Variants in RSRC1 observed in about 807,000 individuals in gnomAD.
RSRC1 encodes the protein serine/Arginine-related protein 53.
RSRC1 carries 39 observed loss-of-function variants against 49.1 expected under a neutral mutation model. The observed-to-expected ratio is 0.79, with a 90% CI of 0.61 to 1.04. RSRC1 has a LOEUF of 1.04. Ranked by LOEUF, RSRC1 falls within the 50% of genes least tolerant of loss-of-function variation. RSRC1 has a pLI of 0.00. For synonymous variants in RSRC1, 143 were observed against 130.8 expected (o/e 1.09, Z -0.63); for missense variants, 388 against 402.4 (o/e 0.96, Z 0.31).
At chr3:158,118,500 A>G (rs1715029771) in intron 1 of RSRC1, among the ~76,000 whole-genome samples, 1 of 145,722 alleles carries the variant, frequency 6.9e-6, no homozygotes, top group Non-Finnish European at 1.5e-5. Context: ...TCCTTTGTTA[A>G]AATTTTAAGC....
chr3:158,187,022 GAT>G (rs1160224361), intron 3 of RSRC1, among the ~76,000 whole-genome samples: 1 of 151,948 alleles, frequency 6.6e-6, no homozygotes, highest in Non-Finnish European at 1.5e-5. Context: ...ACGGCCATCA[GAT>G]CTCATTGGCA....
intron 2 of RSRC1, 108 bp downstream of exon 2, chr3:158,122,406 A>G (rs1715320909): frequency 4.7e-6 from 4 of 845,226 alleles, no homozygotes; most frequent in Non-Finnish European, 6.8e-6. Flanking sequence ...TTTACTAGCT[A>G]TATATTTATG....
At chr3:158,206,843 G>T (rs1721368373) in intron 4 of RSRC1, among the ~76,000 whole-genome samples, 1 of 152,130 alleles carries the variant, frequency 6.6e-6, no homozygotes, top group Admixed American at 6.6e-5. Context: ...GAACCCAGGA[G>T]GTGGAGGTTG....
At chr3:158,124,907 C>A (rs1715519777) in intron 3 of RSRC1, among the ~76,000 whole-genome samples, 1 of 150,924 alleles carries the variant, frequency 6.6e-6, no homozygotes, top group African/African-American at 2.4e-5. Flanking sequence ...GCCTCAAACT[C>A]CTGGGCTCAA....
At chr3:158,527,149 A>T (rs1166179951) in intron 7 of RSRC1, among the ~76,000 whole-genome samples, 5 of 141,620 alleles carry the variant, frequency 3.5e-5, no homozygotes, top group Admixed American at 7.5e-5. Context: ...ATATACTCCC[A>T]GCCCCATGGT....
intron 7 of RSRC1, among the ~76,000 whole-genome samples, chr3:158,536,413 C>G (rs1712716314): frequency 6.6e-6 from 1 of 151,426 alleles, no homozygotes; most frequent in African/African-American, 2.4e-5. Flanking sequence ...ACTTAAGGTA[C>G]TTACCAACCC....
intron 3 of RSRC1, among the ~76,000 whole-genome samples, chr3:158,202,562 T>TTATATATATATGTATA (rs1553768415): frequency 8.7e-5 from 8 of 92,006 alleles, no homozygotes; most frequent in African/African-American, 4.2e-4. Context: ...GTCTGGTAGA[T>TTATATATATATGTATA]TATATATATA....
intron 6 of RSRC1, among the ~76,000 whole-genome samples, chr3:158,375,954 T>C (rs970462114): frequency 6.6e-6 from 1 of 151,988 alleles, no homozygotes; most frequent in Non-Finnish European, 1.5e-5. Context: ...GTTTCTCAAT[T>C]GCGTTTGCCA....
chr3:158,268,102 AG>A (rs1338592880), intron 4 of RSRC1, among the ~76,000 whole-genome samples: 2 of 152,040 alleles, frequency 1.3e-5, no homozygotes, highest in Non-Finnish European at 2.9e-5. Flanking sequence ...TTGTCAGCTA[AG>A]AATTTAAGTA....
At chr3:158,165,166 A>G (rs1363539755) in intron 3 of RSRC1, among the ~76,000 whole-genome samples, 1 of 152,214 alleles carries the variant, frequency 6.6e-6, no homozygotes, top group African/African-American at 2.4e-5. Context: ...CATTAATTAG[A>G]ACCATAACTA....
At chr3:158,420,928 T>C (rs766241612) in intron 6 of RSRC1, among the ~76,000 whole-genome samples, 2 of 151,924 alleles carry the variant, frequency 1.3e-5, no homozygotes, top group Non-Finnish European at 2.9e-5. Context: ...GGTTATTTGT[T>C]CAACTAAGAA....
intron 7 of RSRC1, among the ~76,000 whole-genome samples, chr3:158,466,278 A>T (rs76462322): frequency 0.011 from 1,644 of 152,306 alleles, 32 homozygotes; most frequent in African/African-American, 0.038. Context: ...GCCAATTTAG[A>T]TCGCATTTTA....
In RSRC1 at chr3:158,323,752, G is replaced by C. The variant is rs542936898; in HGVS notation, c.531+25677G>C. On this transcript the variant is annotated intron_variant, in intron 5 of 9. Coordinates refer to ENST00000611884, the MANE Select transcript of RSRC1 (RefSeq NM_001271838.2). ...TTTCTTAGGTTTTTGTCTGCCTTTG[G>C]TTATTTCCTAATGCTCTGAAGTGAT... 3.3e-5 allele frequency among the ~76,000 whole-genome samples: 5 copies of C among 152,156 alleles called. No individual in the cohort carries two copies. The South Asian group carries it at 8.3e-4, about 25-fold the overall frequency.
intron 5 of RSRC1, among the ~76,000 whole-genome samples, chr3:158,313,503 T>C (rs1728241185): frequency 6.6e-6 from 1 of 152,208 alleles, no homozygotes; most frequent in South Asian, 2.1e-4. Flanking sequence ...TATGTGGTCT[T>C]TGCTACCTAG....
At chr3:158,174,991 A>G (rs1395313028) in intron 3 of RSRC1, among the ~76,000 whole-genome samples, 2 of 152,058 alleles carry the variant, frequency 1.3e-5, no homozygotes, top group Non-Finnish European at 1.5e-5. Context: ...TGCTATTGTC[A>G]ATTAATTAGG....
chr3:158,281,840 G>T (rs768019515), intron 4 of RSRC1, among the ~76,000 whole-genome samples: 7 of 152,282 alleles, frequency 4.6e-5, no homozygotes, highest in Middle Eastern at 3.4e-3. Flanking sequence ...GGGAGATAGG[G>T]TATGTGTATA....
At chr3:158,519,063 T>G (rs1447247760) in intron 7 of RSRC1, among the ~76,000 whole-genome samples, 1 of 152,206 alleles carries the variant, frequency 6.6e-6, no homozygotes, top group East Asian at 1.9e-4. Context: ...TCTTCAAAAC[T>G]GAACTCAACT....
At chr3:158,280,228 A>G (rs73874357) in intron 4 of RSRC1, among the ~76,000 whole-genome samples, 11,677 of 152,212 alleles carry the variant, frequency 0.077, 539 homozygotes, top group South Asian at 0.13. Context: ...ACACCCAAGA[A>G]GAAGGCTGTA....
At chr3:158,472,357 T>G (rs1336719532) in intron 7 of RSRC1, among the ~76,000 whole-genome samples, 1 of 152,178 alleles carries the variant, frequency 6.6e-6, no homozygotes. Flanking sequence ...GCATCATGTT[T>G]TTTAAATACA....
Sources: allele counts gnomAD v4.1 joint callset (sites outside exome capture counted in the v4.1 genomes callset), GRCh38; gene constraint gnomAD v4.1.1; transcripts MANE v1.5; gene names NCBI Gene and HGNC (gene_info 2026-07-23, HGNC 2026-07-21).